PDZRN3: variants seen among roughly 807,000 people sequenced by gnomAD.
PDZRN3 encodes the protein E3 ubiquitin-protein ligase PDZRN3.
Under a neutral mutation model 85.7 loss-of-function variants are expected in PDZRN3, and 38 were observed. That is an observed-to-expected ratio of 0.44 (90% CI 0.34 to 0.58). The LOEUF is 0.58. Among genes scored for constraint, PDZRN3 ranks in the 20% least tolerant of loss-of-function variants. The pLI is 0.01. For synonymous variants in PDZRN3, 759 were observed against 638.0 expected, an observed-to-expected ratio of 1.19 and a Z score of -2.86; for missense variants, 1,629 against 1,506.4, an observed-to-expected ratio of 1.08 and a Z score of -1.35.
rs76803511 is a variant in PDZRN3, at chr3:73,474,302, C to T, written c.919-69907G>A. 3.0e-4 allele frequency among the ~76,000 whole-genome samples: 46 copies of T among 152,256 alleles called. 2 individuals carry two copies. The East Asian group carries it at 8.5e-3, about 28-fold the overall frequency. On this transcript the variant is annotated intron_variant, in intron 3 of 9. Coordinates refer to ENST00000263666, the MANE Select transcript of PDZRN3 (RefSeq NM_015009.3). ...GAAAATTCCCAGTGCTTGGCAGGTGCGCCCTTCTCCTTGCTTTGATCAGCT... is the reference window on the plus strand; with the variant it reads ...GAAAATTCCCAGTGCTTGGCAGGTGTGCCCTTCTCCTTGCTTTGATCAGCT...
At chr3:73,390,989 A>AGTT (rs761987752) in intron 6 of PDZRN3, 29 bp downstream of exon 6, 2 of 1,456,412 alleles carry the variant, frequency 1.4e-6, no homozygotes, top group Non-Finnish European at 1.9e-6. Flanking sequence ...TTGATACGAT[A>AGTT]GTTAGAAAAA....
At chr3:73,526,677 TTG>T (rs1408643113) in intron 3 of PDZRN3, among the ~76,000 whole-genome samples, 2 of 152,038 alleles carry the variant, frequency 1.3e-5, no homozygotes, top group Non-Finnish European at 2.9e-5. Flanking sequence ...TTAGTTGTTG[TTG>T]TTGTTGCTGT....
At chr3:73,430,029 T>C (rs1702399455) in intron 3 of PDZRN3, among the ~76,000 whole-genome samples, 1 of 152,214 alleles carries the variant, frequency 6.6e-6, no homozygotes, top group Non-Finnish European at 1.5e-5. Flanking sequence ...ATAAAGTTGA[T>C]CATCATTCAT....
intron 3 of PDZRN3, among the ~76,000 whole-genome samples, chr3:73,445,645 CA>C (rs1175505005): frequency 1.3e-5 from 2 of 152,180 alleles, no homozygotes; most frequent in Non-Finnish European, 2.9e-5. Flanking sequence ...AATGCTTCCA[CA>C]AATGGCAATA....
chr3:73,493,925 C>G (rs1009317442), intron 3 of PDZRN3, among the ~76,000 whole-genome samples: 1 of 152,144 alleles, frequency 6.6e-6, no homozygotes, highest in Non-Finnish European at 1.5e-5. Context: ...GAAGAACGTG[C>G]CCCAAAACCA....
intron 3 of PDZRN3, among the ~76,000 whole-genome samples, chr3:73,524,183 A>G (rs1704465014): frequency 6.6e-6 from 1 of 152,232 alleles, no homozygotes; most frequent in African/African-American, 2.4e-5. Context: ...GCAAGATACC[A>G]TCATCCTTTT....
At chr3:73,391,386 G>A (rs1455214242) in intron 5 of PDZRN3, among the ~76,000 whole-genome samples, 5 of 152,116 alleles carry the variant, frequency 3.3e-5, no homozygotes, top group Non-Finnish European at 5.9e-5. Flanking sequence ...TTCACTCAGC[G>A]TCAAGACTTC....
intron 3 of PDZRN3, among the ~76,000 whole-genome samples, chr3:73,480,067 G>A (rs914006380): frequency 1.3e-4 from 20 of 152,152 alleles, no homozygotes; most frequent in Non-Finnish European, 2.8e-4. Context: ...CATCCTTGGG[G>A]TAGGACCTGA....
chr3:73,416,875 GGTTTTTTTTTTTTTTTTT>G (rs1702095100), intron 3 of PDZRN3, among the ~76,000 whole-genome samples: 2 of 40,750 alleles, frequency 4.9e-5, no homozygotes, highest in African/African-American at 1.5e-4. Context: ...GTTTTTTTTT[GGTTTTTTTTTTTTTTTTT>G]TTTTTTTTTT....
chr3:73,483,012 G>T (rs1262139885), intron 3 of PDZRN3, among the ~76,000 whole-genome samples: 1 of 152,216 alleles, frequency 6.6e-6, no homozygotes, highest in Non-Finnish European at 1.5e-5. Context: ...GTGCCTTAGA[G>T]AACAGAAGAG....
At position 73,608,868 on chromosome 3, in the gene PDZRN3, G is replaced by A. The variant is rs74449966; in HGVS notation, c.724-184C>T. 9.1e-3 allele frequency among the ~76,000 whole-genome samples: 1,380 copies of A among 152,180 alleles called. 36 individuals carry two copies. The highest frequency in any genetic ancestry group is 0.031 in the African/African-American group (1,307 of 41,494). The stretch of plus-strand genomic sequence containing the variant: ...CTGAAATTCTGTCTTGTGTTTAAGG[G>A]CTTATAAACATTTCTAGATACCATC... On this transcript the variant is annotated intron_variant, in intron 1 of 9. Transcript: ENST00000263666.
At chr3:73,620,320 A>G (rs1265219877) in intron 1 of PDZRN3, among the ~76,000 whole-genome samples, 6 of 152,236 alleles carry the variant, frequency 3.9e-5, no homozygotes, top group Admixed American at 3.9e-4. Flanking sequence ...TTTTCAATCA[A>G]TCCAAGGAAA....
intron 3 of PDZRN3, among the ~76,000 whole-genome samples, chr3:73,590,885 G>C (rs1350319617): frequency 1.3e-5 from 2 of 152,116 alleles, no homozygotes. Flanking sequence ...TATTTTACGT[G>C]AAGTTCTCCC....
intron 3 of PDZRN3, among the ~76,000 whole-genome samples, chr3:73,498,371 C>T (rs926750999): frequency 2.6e-5 from 4 of 152,122 alleles, no homozygotes; most frequent in Admixed American, 2.0e-4. Context: ...ACCAAACTAC[C>T]GCTGGCTCCA....
intron 3 of PDZRN3, among the ~76,000 whole-genome samples, chr3:73,448,679 GA>G (rs1205929130): frequency 6.6e-6 from 1 of 152,004 alleles, no homozygotes; most frequent in Non-Finnish European, 1.5e-5. Flanking sequence ...ATCATGGCAA[GA>G]AAAAAACATT....
At chr3:73,462,932 GT>G (rs1184814365) in intron 3 of PDZRN3, among the ~76,000 whole-genome samples, 2 of 152,186 alleles carry the variant, frequency 1.3e-5, no homozygotes, top group African/African-American at 4.8e-5. Context: ...AGCCAGGTCT[GT>G]CTTGCTTCCA....
At chr3:73,424,878 C>T (rs1702280327) in intron 3 of PDZRN3, among the ~76,000 whole-genome samples, 1 of 152,166 alleles carries the variant, frequency 6.6e-6, no homozygotes, top group Non-Finnish European at 1.5e-5. Flanking sequence ...TCAGACAATA[C>T]CAAGTGTTGG....
At chr3:73,450,480 T>C (rs1702836524) in intron 3 of PDZRN3, among the ~76,000 whole-genome samples, 1 of 152,222 alleles carries the variant, frequency 6.6e-6, no homozygotes. Flanking sequence ...TCGAGGCCTA[T>C]CACGTAATCA....
At chr3:73,395,864 G>A (rs984566628) in intron 5 of PDZRN3, among the ~76,000 whole-genome samples, 3 of 152,208 alleles carry the variant, frequency 2.0e-5, no homozygotes, top group African/African-American at 7.2e-5. Context: ...GGAATATACA[G>A]TAAATGAGTT....
Sources: gnomAD v4.1 joint callset for allele counts (sites outside exome capture counted in the v4.1 genomes callset) on GRCh38, gnomAD v4.1.1 for gene constraint, MANE v1.5 for transcripts, NCBI Gene and HGNC (gene_info 2026-07-23, HGNC 2026-07-21) for gene names.